Variants in EFHD1 observed in about 807,000 individuals in gnomAD.
EFHD1 encodes the protein EF-hand domain family member D1.
A neutral mutation model predicts 17.2 loss-of-function variants in EFHD1; 10 were observed. That is an observed-to-expected ratio of 0.58 (90% CI 0.36 to 0.99). The LOEUF (loss-of-function observed/expected upper bound fraction) is 0.99. Among genes scored for constraint, EFHD1 ranks in the 50% least tolerant of loss-of-function variants. EFHD1 has a pLI of 0.01. For missense variants in EFHD1, 310 were observed against 327.5 expected, an observed-to-expected ratio of 0.95 and a Z score of 0.41; for synonymous variants, 153 against 142.0, an observed-to-expected ratio of 1.08 and a Z score of -0.55.
chr2:232,663,035 T>C (rs1158158729), intron 2 of EFHD1, 86 bp downstream of exon 2: 1 of 1,422,764 alleles, frequency 7.0e-7, no homozygotes, highest in Non-Finnish European at 9.2e-7. Context: ...ACAAATGGGT[T>C]TGGCCTCTCC....
intron 1 of EFHD1, among the ~76,000 whole-genome samples, chr2:232,659,927 G>A (rs1392892411): frequency 6.6e-6 from 1 of 152,118 alleles, no homozygotes; most frequent in Non-Finnish European, 1.5e-5. Context: ...GCGGGGAAGT[G>A]CTGCACACTT....
chr2:232,626,452 G>A (rs1694105146), intron 1 of EFHD1, among the ~76,000 whole-genome samples: 1 of 152,052 alleles, frequency 6.6e-6, no homozygotes. Context: ...GGAAGCTGAG[G>A]CATGAGAATT....
chr2:232,669,588 C>G (rs534614480), intron 2 of EFHD1, among the ~76,000 whole-genome samples: 1 of 149,564 alleles, frequency 6.7e-6, no homozygotes, highest in Non-Finnish European at 1.5e-5. Flanking sequence ...GTGTTCTTTT[C>G]CCTTTTGAGA....
At chr2:232,647,327 A>G (rs1240052526) in intron 1 of EFHD1, among the ~76,000 whole-genome samples, 1 of 152,228 alleles carries the variant, frequency 6.6e-6, no homozygotes, top group Non-Finnish European at 1.5e-5. Context: ...CTCATCTCCC[A>G]CTTGGGGTGA....
chr2:232,633,607 G>C lies in EFHD1; in HGVS notation c.-98G>C. 7.6e-7 allele frequency: 1 copy of C among 1,315,194 alleles called. No individual in the cohort carries two copies. Among genetic ancestry groups the C allele is most frequent in the Non-Finnish European group, 9.6e-7 (1 of 1,038,090 alleles). 81.5% of individuals were successfully genotyped at this position (1,315,194 alleles called of 1,614,324 possible). ...GCCGGGTCCCCGCCGCCTCGGCGGA[G>C]TGTTGTAGAGCCTCGAGCCTGCGAG... On this transcript the variant is annotated 5_prime_UTR_variant, in exon 1 of 4. Coordinates refer to ENST00000264059, the MANE Select transcript of EFHD1 (RefSeq NM_025202.4).
In EFHD1 at chr2:232,638,306, G is replaced by A. The variant is rs945848977; in HGVS notation, c.302+4300G>A. On this transcript the variant is annotated intron_variant, in intron 1 of 3. Transcript: ENST00000264059. ...CAATGCAACATCTTAAAATGCAGCC[G>A]CAAGGTTTTTGCAGCATACTAAAAG... 6.2e-5 allele frequency: 29 copies of A among 469,588 alleles called. No individual in the cohort carries two copies. In the East Asian group the frequency reaches 1.2e-3, roughly 19 times the overall value. 29.1% of individuals were successfully genotyped at this position (469,588 alleles called of 1,614,324 possible).
At chr2:232,634,376 T>C (rs1419415754) in intron 1 of EFHD1, among the ~76,000 whole-genome samples, 1 of 152,208 alleles carries the variant, frequency 6.6e-6, no homozygotes, top group Non-Finnish European at 1.5e-5. Flanking sequence ...ACCTGCCAGC[T>C]TTCACTGTAT....
intron 2 of EFHD1, among the ~76,000 whole-genome samples, chr2:232,670,393 A>T (rs1695044635): frequency 1.3e-5 from 2 of 152,068 alleles, no homozygotes. Flanking sequence ...GTGAGCCGAG[A>T]TCGAGCCATT....
At chr2:232,638,201 G>A (rs765989850) in intron 1 of EFHD1, 6 of 373,122 alleles carry the variant, frequency 1.6e-5, no homozygotes, top group Middle Eastern at 4.7e-4. Context: ...GGTTAGACAG[G>A]AAATTTTAAT....
At chr2:232,652,043 G>A (rs1013356169) in intron 1 of EFHD1, among the ~76,000 whole-genome samples, 21 of 152,162 alleles carry the variant, frequency 1.4e-4, no homozygotes, top group African/African-American at 4.8e-4. Flanking sequence ...CACCTTGGTG[G>A]GCCTGTTTCT....
upstream of EFHD1, among the ~76,000 whole-genome samples, chr2:232,631,288 CTCTCTCTCTCTCTCTG>C (rs796489565): frequency 1.9e-4 from 28 of 148,770 alleles, no homozygotes; most frequent in African/African-American, 6.4e-4. Context: ...CTCTTTCTTT[CTCTCTCTCTCTCTCTG>C]TCTCTCTCTC....
chr2:232,651,771 G>A (rs1249864858), intron 1 of EFHD1, among the ~76,000 whole-genome samples: 3 of 152,200 alleles, frequency 2.0e-5, no homozygotes, highest in Non-Finnish European at 4.4e-5. Context: ...GTAGTGAGCC[G>A]AGATTGCGCC....
At chr2:232,630,678 G>T (rs1228565076), upstream of EFHD1, among the ~76,000 whole-genome samples, 1 of 151,574 alleles carries the variant, frequency 6.6e-6, no homozygotes, top group African/African-American at 2.4e-5. Flanking sequence ...GGGCACCGTG[G>T]CTCACCCCTG....
rs1408484344 is a variant in EFHD1 at position 232,633,762 on chromosome 2, G to A, written c.58G>A (p.Glu20Lys). 4.2e-5 allele frequency: 61 copies of A among 1,469,152 alleles called. No homozygotes were observed. The highest frequency in any genetic ancestry group is 5.2e-5 in the Non-Finnish European group (58 of 1,118,746). 91.0% of individuals were successfully genotyped at this position (1,469,152 alleles called of 1,614,324 possible). A position where few individuals can be genotyped will look rare whatever the true frequency, so the allele number is the denominator to read the frequency against. The change falls in exon 1 of 4, where the codon GAG (glutamate) becomes AAG (lysine). Residue 20 changes from glutamate (E) to lysine (K), a missense_variant. By Grantham distance (56) the Glu-to-Lys change is moderately conservative. Transcript: ENST00000264059. ...LERRLRREEA[E>K]ESGPQLAPLG... ...GCGCCGGCTGCGGCGCGAGGAGGCC[G>A]AGGAGAGTGGCCCCCAGCTGGCTCC...
chr2:232,631,912 G>C (rs557549155), upstream of EFHD1, among the ~76,000 whole-genome samples: 1 of 151,462 alleles, frequency 6.6e-6, no homozygotes, highest in Non-Finnish European at 1.5e-5. Flanking sequence ...CTGAGGCAGG[G>C]GAATCACTTG....
intron 1 of EFHD1, among the ~76,000 whole-genome samples, chr2:232,637,633 C>T (rs890876417): frequency 5.3e-5 from 8 of 152,090 alleles, no homozygotes; most frequent in South Asian, 2.1e-4. Context: ...CGTGAGCCAC[C>T]GCGCCTGGCT....
At chr2:232,670,013 A>G (rs1695039810) in intron 2 of EFHD1, among the ~76,000 whole-genome samples, 1 of 152,248 alleles carries the variant, frequency 6.6e-6, no homozygotes. Context: ...GCCTCTTTCG[A>G]TGATAGCTTG....
chr2:232,619,312 C>CTT (rs113872019), intron 1 of EFHD1, among the ~76,000 whole-genome samples: 5 of 38,112 alleles, frequency 1.3e-4, no homozygotes, highest in African/African-American at 4.7e-4. Context: ...TTCTTTCTTT[C>CTT]TTTTTTTTTT....
chr2:232,643,368 AG>A (rs1694467409), intron 1 of EFHD1, among the ~76,000 whole-genome samples: 1 of 151,934 alleles, frequency 6.6e-6, no homozygotes, highest in African/African-American at 2.4e-5. Flanking sequence ...ATAACGTTCC[AG>A]GGCTCTTTTC....
Sources: gnomAD v4.1 joint callset for allele counts (sites outside exome capture counted in the v4.1 genomes callset) on GRCh38, gnomAD v4.1.1 for gene constraint, MANE v1.5 for transcripts, NCBI Gene and HGNC (gene_info 2026-07-23, HGNC 2026-07-21) for gene names.